PDCD10: variants seen among roughly 807,000 people sequenced by gnomAD.
PDCD10 encodes programmed cell death 10, also known as programmed cell death protein 10.
PDCD10 carries 4 observed loss-of-function variants against 29.2 expected under a neutral mutation model. The observed-to-expected ratio is 0.14, with a 90% CI of 0.07 to 0.31. The LOEUF (loss-of-function observed/expected upper bound fraction) is 0.31, where lower values mean the gene tolerates loss of function less well. Among genes scored for constraint, PDCD10 ranks in the 10% least tolerant of loss-of-function variants. The pLI is 1.00. For missense variants in PDCD10, 183 were observed against 257.9 expected (o/e 0.71, Z 1.99); for synonymous variants, 70 against 82.2 (o/e 0.85, Z 0.80).
chr3:167,689,777 G>A lies in PDCD10; in HGVS notation c.396-2084C>T, dbSNP rs1166132813. Among the ~76,000 whole-genome samples the A allele has an allele frequency of 2.0e-5, 3 of 152,108 alleles. No homozygotes were observed. In the East Asian group the frequency reaches 5.8e-4, roughly 29 times the overall value. On this transcript the variant is annotated intron_variant, in intron 6 of 8. Transcript: ENST00000392750. ...GGAACAGAGCTCTCTGTCAACCAAG[G>A]CCATTTATTCCTAAGCCTCTGTTTG...
At chr3:167,713,757 G>A (rs1173317409) in intron 3 of PDCD10, among the ~76,000 whole-genome samples, 1 of 151,998 alleles carries the variant, frequency 6.6e-6, no homozygotes, top group Non-Finnish European at 1.5e-5. Flanking sequence ...AGGATCATTA[G>A]TGGCTACTAT....
Position 167,727,531 on chromosome 3 carries a change from G to A in PDCD10, c.-117+6683C>T, listed in dbSNP as rs1724325787. ...ATGAATAATGCCTAGTTGAATAGTT[G>A]TTTGGTGTTTAATTGAGGTACATGT... On this transcript the variant is annotated intron_variant, in intron 2 of 8. Coordinates refer to ENST00000392750, the MANE Select transcript of PDCD10 (RefSeq NM_007217.4). 1.3e-5 allele frequency among the ~76,000 whole-genome samples: 2 copies of A among 152,104 alleles called. 1 individual carries two copies. Among genetic ancestry groups the A allele is most frequent in the Admixed American group, 1.3e-4 (2 of 15,284 alleles).
At chr3:167,697,985 T>G (rs768426006) in intron 4 of PDCD10, 2 of 456,648 alleles carry the variant, frequency 4.4e-6, no homozygotes, top group East Asian at 1.4e-4. Context: ...TGCCCTAATA[T>G]TAAACAGCAA....
intron 4 of PDCD10, among the ~76,000 whole-genome samples, chr3:167,699,422 G>C (rs1242842623): frequency 6.6e-6 from 1 of 152,156 alleles, no homozygotes; most frequent in Admixed American, 6.5e-5. Context: ...TGGGCCACCA[G>C]GTACCTCAGT....
At chr3:167,731,771 G>A (rs1724838647) in intron 2 of PDCD10, among the ~76,000 whole-genome samples, 10 of 152,206 alleles carry the variant, frequency 6.6e-5, no homozygotes, top group Admixed American at 6.5e-4. Flanking sequence ...TTATGATGAT[G>A]CCACAAAGGA....
At chr3:167,687,576 A>G (rs1719752783) in intron 7 of PDCD10, 39 bp downstream of exon 7, 1 of 1,145,650 alleles carries the variant, frequency 8.7e-7, no homozygotes, top group South Asian at 1.2e-5. Flanking sequence ...ATAAACCAAC[A>G]TCTAGGGTGT....
At position 167,730,585 on chromosome 3, in the gene PDCD10, A is replaced by G. The variant is rs1388021637; in HGVS notation, c.-117+3629T>C. ...AATGGATAGTATTACCAAATTTTAA[A>G]GCCAAATTATCAGCAATCTCTTTTT... On this transcript the variant is annotated intron_variant, in intron 2 of 8. Transcript: ENST00000392750. 2.0e-5 allele frequency: 3 copies of G among 152,152 alleles called. No homozygotes were observed. In the South Asian group the frequency reaches 6.2e-4, roughly 31 times the overall value. 9.4% of individuals were successfully genotyped at this position (152,152 alleles called of 1,614,324 possible). A position where few individuals can be genotyped will look rare whatever the true frequency, so the allele number is the denominator to read the frequency against.
intron 2 of PDCD10, among the ~76,000 whole-genome samples, chr3:167,724,368 C>G (rs1723878107): frequency 6.6e-6 from 1 of 152,126 alleles, no homozygotes; most frequent in Admixed American, 6.5e-5. Flanking sequence ...TCTTATAATT[C>G]CTATAATTTC....
chr3:167,720,031 G>A, intron 3 of PDCD10, 31 bp downstream of exon 3: 6 of 1,254,660 alleles, frequency 4.8e-6, no homozygotes, highest in Non-Finnish European at 7.0e-6. Context: ...GAATTGCAGA[G>A]TTCATGCAAG....
At chr3:167,734,620 CA>C (rs1725211445) in intron 1 of PDCD10, 41 bp downstream of exon 1, 1 of 152,484 alleles carries the variant, frequency 6.6e-6, no homozygotes, top group African/African-American at 2.4e-5. Flanking sequence ...GCGGCATTTA[CA>C]AACCCGCTTT....
At chr3:167,726,880 A>G (rs1433666870) in intron 2 of PDCD10, among the ~76,000 whole-genome samples, 1 of 152,102 alleles carries the variant, frequency 6.6e-6, no homozygotes, top group Admixed American at 6.5e-5. Flanking sequence ...TAACATACAC[A>G]ATGAGAGTCA....
intron 4 of PDCD10, among the ~76,000 whole-genome samples, chr3:167,698,551 C>A (rs1721047589): frequency 1.3e-5 from 2 of 151,368 alleles, no homozygotes; most frequent in Admixed American, 6.6e-5. Flanking sequence ...CAAAACAAAA[C>A]AAAAAAAACT....
At position 167,687,599 on chromosome 3, in the gene PDCD10, C is replaced by T. The variant is rs1466199945; in HGVS notation, c.474+16G>A. ...ACATCTAGGGTGTCAACTAGCAAGG[C>T]TTCTACTAAACGTACCCTGCGGTTC... On this transcript the variant is annotated intron_variant, in intron 7 of 8. Transcript: ENST00000392750. 2 of 1,468,854 alleles carry T rather than the reference C, an allele frequency of 1.4e-6. No homozygotes were observed. The highest frequency in any genetic ancestry group is 2.8e-5 in the African/African-American group (2 of 72,192). The allele number at this position is 1,468,854 out of a possible 1,614,324, so 91.0% of individuals were successfully genotyped here. A position where few individuals can be genotyped will look rare whatever the true frequency, so the allele number is the denominator to read the frequency against.
chr3:167,693,523 A>G (rs1213500444), intron 6 of PDCD10, among the ~76,000 whole-genome samples: 2 of 152,232 alleles, frequency 1.3e-5, no homozygotes, highest in Non-Finnish European at 2.9e-5. Context: ...TAACAAAGTT[A>G]TTAGAAAAAC....
chr3:167,691,557 AC>A (rs1720238216), intron 6 of PDCD10, among the ~76,000 whole-genome samples: 1 of 152,206 alleles, frequency 6.6e-6, no homozygotes, highest in South Asian at 2.1e-4. Flanking sequence ...AGAGTCACAG[AC>A]GGTTTAGCAG....
intron 2 of PDCD10, among the ~76,000 whole-genome samples, chr3:167,733,735 A>C (rs1284405188): frequency 6.6e-6 from 1 of 152,192 alleles, no homozygotes; most frequent in Admixed American, 6.5e-5. Flanking sequence ...TGAGAGTAAA[A>C]ACAGTCCTAA....
chr3:167,705,538 A>T (rs1721889457), intron 3 of PDCD10, among the ~76,000 whole-genome samples: 1 of 152,194 alleles, frequency 6.6e-6, no homozygotes, highest in South Asian at 2.1e-4. Context: ...CTAACACATT[A>T]AATCAATTTA....
intron 6 of PDCD10, among the ~76,000 whole-genome samples, chr3:167,690,994 ATCACC>A (rs1720169085): frequency 6.6e-6 from 1 of 152,228 alleles, no homozygotes; most frequent in Admixed American, 6.5e-5. Context: ...AATCTATAGC[ATCACC>A]TATAGTACTT....
At chr3:167,710,239 A>T (rs1722396636) in intron 3 of PDCD10, among the ~76,000 whole-genome samples, 1 of 152,156 alleles carries the variant, frequency 6.6e-6, no homozygotes, top group South Asian at 2.1e-4. Context: ...CTTACATCTT[A>T]GGTACCACTT....
Sources: allele counts gnomAD v4.1 joint callset (sites outside exome capture counted in the v4.1 genomes callset), GRCh38; gene constraint gnomAD v4.1.1; transcripts MANE v1.5; gene names NCBI Gene and HGNC (gene_info 2026-07-23, HGNC 2026-07-21).